Variants in JMJD1C observed in about 807,000 individuals in gnomAD.
JMJD1C encodes jumonji domain-containing protein 1C.
JMJD1C carries 31 observed loss-of-function variants against 245.3 expected under a neutral mutation model. That is an observed-to-expected ratio of 0.13 (90% CI 0.09 to 0.17). The LOEUF is 0.17. Ranked by LOEUF, JMJD1C falls within the 10% of genes least tolerant of loss-of-function variation. The pLI is 1.00. For missense variants in JMJD1C, 2,691 were observed against 3,000.2 expected, an observed-to-expected ratio of 0.90 and a Z score of 2.41; for synonymous variants, 1,057 against 1,017.4, an observed-to-expected ratio of 1.04 and a Z score of -0.74.
Position 63,213,688 on chromosome 10 carries a change from C to A in JMJD1C, c.2479G>T (p.Ala827Ser). 6.2e-7 allele frequency: 1 copy of A among 1,614,182 alleles called. No homozygotes were observed. The highest frequency in any genetic ancestry group is 1.1e-5 in the South Asian group (1 of 91,084). ...TGTTGTTGTTGCTGGTGTGCTAGCG[C>A]TAAGTGGCTCAAGCTGCTGGCATGA... is the stretch of plus-strand genomic sequence containing the variant. ...SAHASSLSHLALAHQQQQQLL... is the reference protein window; with the variant it reads ...SAHASSLSHLSLAHQQQQQLL... The change falls in exon 8 of 26, where the codon GCG (alanine) becomes TCG (serine). Residue 827 changes from alanine (A) to serine (S), a missense_variant. Ala to Ser is a moderately conservative substitution (Grantham distance 99). Transcript: ENST00000399262.
intron 24 of JMJD1C, among the ~76,000 whole-genome samples, chr10:63,170,558 CA>C (rs1842252483): frequency 6.6e-6 from 1 of 152,174 alleles, no homozygotes; most frequent in African/African-American, 2.4e-5. Context: ...CCTTAAATGC[CA>C]AAAATCAGCT....
At chr10:63,258,500 T>C (rs908131578) in intron 3 of JMJD1C, among the ~76,000 whole-genome samples, 2 of 152,184 alleles carry the variant, frequency 1.3e-5, no homozygotes, top group Non-Finnish European at 2.9e-5. Flanking sequence ...CAGCATTAAT[T>C]CTATTCATAA....
intron 2 of JMJD1C, among the ~76,000 whole-genome samples, chr10:63,376,221 A>G (rs1241537723): frequency 2.0e-5 from 3 of 151,740 alleles, no homozygotes; most frequent in Non-Finnish European, 4.4e-5. Flanking sequence ...TGCTGGAAAA[A>G]GTGGACATCT....
chr10:63,521,522 C>T lies in JMJD1C; in HGVS notation n.113+216G>A, dbSNP rs368304989. On this transcript the variant is annotated intron_variant and non_coding_transcript_variant, in intron 1 of 3. Coordinates refer to the JMJD1C transcript ENST00000633035. Reference sequence around the variant, plus strand: ...GCGCCCTGCGCCCACCCGCCCCGGACGTGGGGCCCAAGCCCCCGTGAAGAT... The same window carrying T: ...GCGCCCTGCGCCCACCCGCCCCGGATGTGGGGCCCAAGCCCCCGTGAAGAT... 5 of 1,413,922 alleles carry T rather than the reference C, an allele frequency of 3.5e-6. No individual in the cohort carries two copies. In the South Asian group the frequency reaches 6.0e-5, roughly 17 times the overall value. 87.6% of individuals were successfully genotyped at this position (1,413,922 alleles called of 1,614,324 possible). A position where few individuals can be genotyped will look rare whatever the true frequency, so the allele number is the denominator to read the frequency against.
chr10:63,417,333 T>TA (rs1949867264), intron 1 of JMJD1C, among the ~76,000 whole-genome samples: 1 of 152,176 alleles, frequency 6.6e-6, no homozygotes. Flanking sequence ...AAGCTCAACT[T>TA]AAAATGCTTT....
intron 1 of JMJD1C, among the ~76,000 whole-genome samples, chr10:63,460,717 C>T (rs767898546): frequency 1.3e-5 from 2 of 151,968 alleles, no homozygotes; most frequent in Non-Finnish European, 2.9e-5. Flanking sequence ...TTGAAATTGT[C>T]TAAAAATAAT....
chr10:63,172,444 T>C (rs922621619), intron 24 of JMJD1C, among the ~76,000 whole-genome samples: 7 of 152,214 alleles, frequency 4.6e-5, no homozygotes, highest in Non-Finnish European at 5.9e-5. Context: ...ATGTTGTTAC[T>C]GAGAACGTAT....
chr10:63,505,931 A>C (rs1416101466), intron 1 of JMJD1C, among the ~76,000 whole-genome samples: 1 of 123,336 alleles, frequency 8.1e-6, no homozygotes, highest in Non-Finnish European at 1.9e-5. Flanking sequence ...AACGTGTACA[A>C]TTTCTCCCCC....
chr10:63,346,341 C>T (rs1943815703), intron 2 of JMJD1C, among the ~76,000 whole-genome samples: 1 of 152,196 alleles, frequency 6.6e-6, no homozygotes, highest in African/African-American at 2.4e-5. Context: ...GCTCTAAAGC[C>T]TATGAGTGAC....
At chr10:63,335,142 C>T (rs928775433) in intron 2 of JMJD1C, among the ~76,000 whole-genome samples, 8 of 151,322 alleles carry the variant, frequency 5.3e-5, no homozygotes, top group Admixed American at 4.6e-4. Context: ...TCAGACAAAG[C>T]AGTCTGACAA....
rs968763538 is a variant in JMJD1C at position 63,311,410 on chromosome 10, G to C, written c.334-46646C>G. 3.3e-5 allele frequency among the ~76,000 whole-genome samples: 5 copies of C among 151,624 alleles called. No homozygotes were observed. The South Asian group carries it at 6.2e-4, about 19-fold the overall frequency. On this transcript the variant is annotated intron_variant, in intron 2 of 25. Coordinates refer to ENST00000399262, the MANE Select transcript of JMJD1C (RefSeq NM_032776.3). ...TAAACAAACAAAATAAATAAACTCA[G>C]TAACTCCACTTTCCAAAATATACTC...
At chr10:63,241,714 C>G (rs187850526) in intron 3 of JMJD1C, among the ~76,000 whole-genome samples, 120 of 152,226 alleles carry the variant, frequency 7.9e-4, no homozygotes, top group East Asian at 1.5e-3. Context: ...TTACTTTTCT[C>G]CATAGTACTA....
At chr10:63,445,891 T>C (rs2616633) in intron 1 of JMJD1C, among the ~76,000 whole-genome samples, 16,652 of 114,930 alleles carry the variant, frequency 0.14, 1,317 homozygotes, top group East Asian at 0.31. Context: ...TTTTTTTTTT[T>C]CCAGACAGAG....
chr10:63,208,958 G>T, intron 9 of JMJD1C, 105 bp downstream of exon 9: 2 of 1,132,956 alleles, frequency 1.8e-6, no homozygotes, highest in Non-Finnish European at 2.5e-6. Context: ...ACAGAACAAA[G>T]CCTAATCTTA....
rs1436666700 is a variant in JMJD1C at position 63,403,839 on chromosome 10, G to C, written c.169-23357C>G. 4.6e-5 allele frequency among the ~76,000 whole-genome samples: 7 copies of C among 152,324 alleles called. No individual in the cohort carries two copies. The East Asian group carries it at 1.3e-3, about 29-fold the overall frequency. ...TAATTCCAGCACTTTGGGAAGCTGA[G>C]GCAGGAGAATCATTTGAACCTAGGA... On this transcript the variant is annotated intron_variant, in intron 1 of 25. Transcript: ENST00000399262.
At chr10:63,168,881 T>C (rs1842086015) in intron 24 of JMJD1C, among the ~76,000 whole-genome samples, 2 of 152,188 alleles carry the variant, frequency 1.3e-5, no homozygotes, top group Admixed American at 1.3e-4. Flanking sequence ...TTTTAAAAAA[T>C]GTGTTACTTT....
intron 2 of JMJD1C, among the ~76,000 whole-genome samples, chr10:63,274,304 C>G (rs1452982577): frequency 6.6e-6 from 1 of 152,200 alleles, no homozygotes; most frequent in Non-Finnish European, 1.5e-5. Flanking sequence ...GTGGTTCACG[C>G]CTGTAATCCC....
chr10:63,494,985 T>A (rs529670599), intron 1 of JMJD1C, among the ~76,000 whole-genome samples: 1 of 152,286 alleles, frequency 6.6e-6, no homozygotes, highest in South Asian at 2.1e-4. Flanking sequence ...TCCTATAAGC[T>A]TCCATACAAA....
At chr10:63,336,771 T>C (rs1942777365) in intron 2 of JMJD1C, among the ~76,000 whole-genome samples, 1 of 152,136 alleles carries the variant, frequency 6.6e-6, no homozygotes, top group Non-Finnish European at 1.5e-5. Flanking sequence ...TATAGAAGAA[T>C]GCAAATAAAC....
Sources: gnomAD v4.1 joint callset for allele counts (sites outside exome capture counted in the v4.1 genomes callset) on GRCh38, gnomAD v4.1.1 for gene constraint, MANE v1.5 for transcripts, NCBI Gene and HGNC (gene_info 2026-07-23, HGNC 2026-07-21) for gene names.